The following FAT3 variants were observed in gnomAD, a reference collection of about 807,000 sequenced individuals.
The protein encoded by FAT3 is protocadherin Fat 3.
Under a neutral mutation model 310.2 loss-of-function variants are expected in FAT3, and 95 were observed. That is an observed-to-expected ratio of 0.31 (90% CI 0.26 to 0.36). The LOEUF is 0.36. Ranked by LOEUF, FAT3 falls within the 10% of genes least tolerant of loss-of-function variation. The probability of loss-of-function intolerance (pLI) is 1.00; values close to 1 mark genes in which losing one functional copy is unlikely to be tolerated. For missense variants in FAT3, 5,408 were observed against 5,715.6 expected, an observed-to-expected ratio of 0.95 and a Z score of 1.74; for synonymous variants, 2,314 against 2,192.9, an observed-to-expected ratio of 1.06 and a Z score of -1.54.
intron 2 of FAT3, among the ~76,000 whole-genome samples, chr11:92,523,510 C>G (rs924649251): frequency 4.6e-5 from 7 of 152,152 alleles, no homozygotes; most frequent in African/African-American, 1.7e-4. Context: ...CGTTGCTGTA[C>G]TTGGCAGTTT....
At chr11:92,321,452 T>A (rs1947617406) in intron 1 of FAT3, among the ~76,000 whole-genome samples, 1 of 148,448 alleles carries the variant, frequency 6.7e-6, no homozygotes, top group African/African-American at 2.5e-5. Flanking sequence ...AAAAAAAAAA[T>A]TCTTGGTTGT....
At chr11:92,435,519 C>CTTCCTTCCTTCT (rs1409835256) in intron 2 of FAT3, among the ~76,000 whole-genome samples, 4 of 142,912 alleles carry the variant, frequency 2.8e-5, no homozygotes, top group Non-Finnish European at 6.1e-5. Context: ...TCCTTCCTTC[C>CTTCCTTCCTTCT]TTTCTCTTTC....
chr11:92,640,029 C>G (rs1941901116), intron 3 of FAT3, among the ~76,000 whole-genome samples: 1 of 152,112 alleles, frequency 6.6e-6, no homozygotes, highest in Non-Finnish European at 1.5e-5. Flanking sequence ...TTGGCCAGAC[C>G]CTACTTATCA....
At chr11:92,672,434 A>G (rs1046742561) in intron 3 of FAT3, among the ~76,000 whole-genome samples, 1 of 152,192 alleles carries the variant, frequency 6.6e-6, no homozygotes, top group East Asian at 1.9e-4. Context: ...TGAAGTAAAT[A>G]TTGCTGAAGA....
chr11:92,432,157 A>C (rs1167049776), intron 2 of FAT3, among the ~76,000 whole-genome samples: 2 of 152,000 alleles, frequency 1.3e-5, no homozygotes, highest in Non-Finnish European at 2.9e-5. Context: ...ATTTGTTTGT[A>C]TCCTCTTTTA....
intron 3 of FAT3, among the ~76,000 whole-genome samples, chr11:92,674,038 G>T (rs562510784): frequency 6.6e-6 from 1 of 151,904 alleles, no homozygotes; most frequent in Non-Finnish European, 1.5e-5. Context: ...AAAATTAGCC[G>T]GGTGTGGTGG....
rs944044834 is a variant in FAT3 at position 92,893,921 on chromosome 11, G to A, written c.*2808G>A. ...CCAAACTCCTTATTTTATCAAAGAGGAAACATACCCAGAGTGGGAAAGAGA... is the reference window on the plus strand; with the variant it reads ...CCAAACTCCTTATTTTATCAAAGAGAAAACATACCCAGAGTGGGAAAGAGA... On this transcript the variant is annotated 3_prime_UTR_variant, in exon 28 of 28. Transcript: ENST00000525166. The A allele has an allele frequency of 2.0e-5, 3 of 152,188 alleles. No individual in the cohort carries two copies. The highest frequency in any genetic ancestry group is 4.4e-5 in the Non-Finnish European group (3 of 68,046). The allele number at this position is 152,188 out of a possible 1,614,324, so 9.4% of individuals were successfully genotyped here.
intron 1 of FAT3, among the ~76,000 whole-genome samples, chr11:92,281,668 C>T (rs1946426110): frequency 6.6e-6 from 1 of 152,054 alleles, no homozygotes; most frequent in African/African-American, 2.4e-5. Flanking sequence ...GGTGAGTGCT[C>T]AATCAAAGGT....
At chr11:92,856,689 T>C (rs894447232) in intron 19 of FAT3, among the ~76,000 whole-genome samples, 1 of 152,202 alleles carries the variant, frequency 6.6e-6, no homozygotes, top group African/African-American at 2.4e-5. Context: ...TAGGAAACAA[T>C]GTGAGTTGTG....
At chr11:92,424,085 T>G (rs1487321411) in intron 2 of FAT3, among the ~76,000 whole-genome samples, 1 of 152,136 alleles carries the variant, frequency 6.6e-6, no homozygotes, top group East Asian at 1.9e-4. Context: ...TTTTGTTTTT[T>G]GCTTTGTTTT....
At chr11:92,852,564 A>G (rs528207322) in intron 19 of FAT3, among the ~76,000 whole-genome samples, 1 of 152,294 alleles carries the variant, frequency 6.6e-6, no homozygotes, top group South Asian at 2.1e-4. Context: ...CCTTGCCAAA[A>G]ACTATCCCCT....
intron 4 of FAT3, among the ~76,000 whole-genome samples, chr11:92,717,478 A>C (rs1210422020): frequency 6.6e-6 from 1 of 152,176 alleles, no homozygotes; most frequent in East Asian, 1.9e-4. Flanking sequence ...TCAGGTGGTT[A>C]ATTATGTTAT....
intron 3 of FAT3, among the ~76,000 whole-genome samples, chr11:92,647,366 A>C (rs1475536684): frequency 6.6e-6 from 1 of 152,180 alleles, no homozygotes; most frequent in African/African-American, 2.4e-5. Context: ...ATGGACTCCA[A>C]ATGACATAAT....
intron 3 of FAT3, among the ~76,000 whole-genome samples, chr11:92,620,532 T>G (rs1941036710): frequency 6.6e-6 from 1 of 152,236 alleles, no homozygotes; most frequent in Non-Finnish European, 1.5e-5. Context: ...TAGCTAACTG[T>G]AGCAATAATC....
intron 4 of FAT3, among the ~76,000 whole-genome samples, chr11:92,732,405 C>A (rs1440628645): frequency 6.6e-6 from 1 of 152,110 alleles, no homozygotes; most frequent in Non-Finnish European, 1.5e-5. Context: ...ACTCATTAAT[C>A]CTGTAAGCAT....
intron 2 of FAT3, among the ~76,000 whole-genome samples, chr11:92,392,984 G>A (rs1949782817): frequency 6.6e-6 from 1 of 152,130 alleles, no homozygotes; most frequent in Admixed American, 6.6e-5. Context: ...GGAACTAGGG[G>A]CAGTGGGACG....
intron 3 of FAT3, among the ~76,000 whole-genome samples, chr11:92,654,514 A>G (rs1241184908): frequency 6.6e-6 from 1 of 152,214 alleles, no homozygotes; most frequent in East Asian, 1.9e-4. Context: ...CTGCCTAGCT[A>G]TGCAGGCCAA....
intron 3 of FAT3, among the ~76,000 whole-genome samples, chr11:92,679,735 G>A (rs900515451): frequency 2.0e-5 from 3 of 151,210 alleles, no homozygotes; most frequent in Non-Finnish European, 4.4e-5. Context: ...CCAGCTACTT[G>A]GGAGGCTGAG....
chr11:92,614,355 C>T (rs1244974079), intron 3 of FAT3, among the ~76,000 whole-genome samples: 3 of 152,164 alleles, frequency 2.0e-5, no homozygotes, highest in African/African-American at 7.2e-5. Flanking sequence ...GACCTTCTTG[C>T]ATTTCCTGAG....
Sources: allele counts gnomAD v4.1 joint callset (sites outside exome capture counted in the v4.1 genomes callset), GRCh38; gene constraint gnomAD v4.1.1; transcripts MANE v1.5; gene names NCBI Gene and HGNC (gene_info 2026-07-23, HGNC 2026-07-21).